The following WAPL variants were observed in gnomAD, a reference collection of about 807,000 sequenced individuals.
The protein encoded by WAPL is WAPL cohesin release factor.
WAPL carries 5 observed loss-of-function variants against 121.0 expected under a neutral mutation model. That is an observed-to-expected ratio of 0.04 (90% CI 0.02 to 0.09). The LOEUF (loss-of-function observed/expected upper bound fraction) is 0.09. Ranked by LOEUF, WAPL falls within the 10% of genes least tolerant of loss-of-function variation. WAPL has a pLI of 1.00. For missense variants in WAPL, 999 were observed against 1,410.8 expected (o/e 0.71, Z 4.68); for synonymous variants, 480 against 481.5 (o/e 1.00, Z 0.04).
At chr10:86,483,533 A>G (rs1841844795) in intron 4 of WAPL, among the ~76,000 whole-genome samples, 1 of 152,094 alleles carries the variant, frequency 6.6e-6, no homozygotes, top group Non-Finnish European at 1.5e-5. Context: ...TATTTTAACC[A>G]TTTTAGAATA....
intron 8 of WAPL, among the ~76,000 whole-genome samples, chr10:86,470,598 C>T (rs942026469): frequency 1.6e-4 from 24 of 152,110 alleles, no homozygotes; most frequent in Non-Finnish European, 1.0e-4. Flanking sequence ...TGGACAAAAA[C>T]GTTTCTAAAA....
chr10:86,451,080 TG>T (rs1343739187), intron 15 of WAPL, among the ~76,000 whole-genome samples: 2 of 151,398 alleles, frequency 1.3e-5, no homozygotes, highest in Non-Finnish European at 2.9e-5. Flanking sequence ...GGACACGAAG[TG>T]GATGTGATGG....
At chr10:86,488,078 A>G (rs1841965435) in intron 4 of WAPL, among the ~76,000 whole-genome samples, 2 of 152,172 alleles carry the variant, frequency 1.3e-5, no homozygotes. Context: ...CATGTGGAGG[A>G]TAATGGAAAC....
chr10:86,444,653 G>A (rs1849557499), intron 16 of WAPL, among the ~76,000 whole-genome samples: 1 of 152,094 alleles, frequency 6.6e-6, no homozygotes, highest in South Asian at 2.1e-4. Flanking sequence ...ATTAGTGGTT[G>A]CCAGTGCCCA....
chr10:86,494,045 T>C lies in WAPL; in HGVS notation c.1644+3156A>G, dbSNP rs116475075. ...GATGTTAACTGGCTTTTTTAATGCATTGACATTTGTATGGATGGTGCAAAA... is the reference window on the plus strand; with the variant it reads ...GATGTTAACTGGCTTTTTTAATGCACTGACATTTGTATGGATGGTGCAAAA... On this transcript the variant is annotated intron_variant, in intron 4 of 18. Transcript: ENST00000298767. 9.4e-3 allele frequency among the ~76,000 whole-genome samples: 1,429 copies of C among 152,290 alleles called. 29 individuals carry two copies. Among genetic ancestry groups the C allele is most frequent in the African/African-American group, 0.032 (1,326 of 41,548 alleles).
Position 86,505,300 on chromosome 10 carries a change from C to CTTTTTTTTTTTTTTTTTT in WAPL, c.500-4575_500-4558dup, listed in dbSNP as rs531404303. 3.0e-3 allele frequency among the ~76,000 whole-genome samples: 134 copies of CTTTTTTTTTTTTTTTTTT among 44,644 alleles called. 27 individuals are homozygous for CTTTTTTTTTTTTTTTTTT. The highest frequency in any genetic ancestry group is 4.3e-3 in the Non-Finnish European group (105 of 24,340). The allele number at this position is 44,644 out of a possible 152,430, so 29.3% of individuals were successfully genotyped here. On this transcript the variant is annotated intron_variant, in intron 2 of 18. Coordinates refer to ENST00000298767, the MANE Select transcript of WAPL (RefSeq NM_015045.5). ...CAAGCTTCAGCCACAGTGCCCAACT[C>CTTTTTTTTTTTTTTTTTT]TTTTTTTTTTTTTTTTTTTTTTTTT...
At chr10:86,521,015 G>C (rs866588749) in intron 1 of WAPL, among the ~76,000 whole-genome samples, 5 of 152,004 alleles carry the variant, frequency 3.3e-5, no homozygotes, top group African/African-American at 1.2e-4. Context: ...GCCCAGGAAA[G>C]GGAGGTCACT....
intron 15 of WAPL, among the ~76,000 whole-genome samples, chr10:86,448,427 G>A (rs939429214): frequency 1.3e-5 from 2 of 152,244 alleles, no homozygotes; most frequent in Admixed American, 6.5e-5. Flanking sequence ...CTTCAGCCTG[G>A]GTAAAAGAGT....
Position 86,500,158 on chromosome 10 carries a change from T to C in WAPL, c.1085A>G (p.His362Arg). The stretch of plus-strand genomic sequence containing the variant: ...ATTACAAACTGACAAGCAAGATGGA[T>C]GTAAAACAGTGTAATCTCTAGTCCG... ...VGRTRDYTVLHPSCLSVCNVT... is the reference protein window; with the variant it reads ...VGRTRDYTVLRPSCLSVCNVT... The change falls in exon 3 of 19, where the codon CAT becomes CGT. Residue 362 changes from histidine to arginine, a missense_variant. By Grantham distance (29) the His-to-Arg change is conservative (BLOSUM62 0). This residue lies in a region of WAPL where 531 missense variants were observed against 563.1 expected (regional missense o/e 0.94). Coordinates refer to ENST00000298767, the MANE Select transcript of WAPL (RefSeq NM_015045.5). The C allele has an allele frequency of 1.9e-6, 3 of 1,614,180 alleles. No homozygotes were observed. Among genetic ancestry groups the C allele is most frequent in the Non-Finnish European group, 2.5e-6 (3 of 1,180,032 alleles).
At chr10:86,483,728 C>T (rs1177742605) in intron 4 of WAPL, among the ~76,000 whole-genome samples, 9 of 144,972 alleles carry the variant, frequency 6.2e-5, no homozygotes, top group African/African-American at 2.3e-4. Flanking sequence ...TTATGATCTT[C>T]ACTCTGGATA....
chr10:86,514,557 T>C (rs991586144), intron 2 of WAPL, among the ~76,000 whole-genome samples: 1 of 152,158 alleles, frequency 6.6e-6, no homozygotes. Context: ...GTATGTATTT[T>C]CCCCTCACAG....
At chr10:86,471,319 G>A (rs546865281) in intron 7 of WAPL, among the ~76,000 whole-genome samples, 6 of 152,218 alleles carry the variant, frequency 3.9e-5, no homozygotes, top group Admixed American at 2.6e-4. Flanking sequence ...AAAAAATAAC[G>A]TAATTGTCTT....
At chr10:86,449,714 C>T (rs933322113) in intron 15 of WAPL, among the ~76,000 whole-genome samples, 2 of 151,982 alleles carry the variant, frequency 1.3e-5, no homozygotes, top group African/African-American at 2.4e-5. Context: ...AGGCGACTGA[C>T]GGTAAGTTTT....
intron 4 of WAPL, among the ~76,000 whole-genome samples, chr10:86,493,233 C>A (rs1041149404): frequency 1.1e-4 from 17 of 152,000 alleles, no homozygotes; most frequent in Non-Finnish European, 2.5e-4. Context: ...CAAAGAATTA[C>A]TAGGAATTGA....
chr10:86,460,522 T>G, intron 10 of WAPL, 26 bp from the exon 11 acceptor site: 1 of 1,583,488 alleles, frequency 6.3e-7, no homozygotes, highest in Non-Finnish European at 8.7e-7. Context: ...CAAACGTAAG[T>G]TAGTATTTAT....
chr10:86,509,099 T>C (rs1203289429), intron 2 of WAPL, among the ~76,000 whole-genome samples: 2 of 152,180 alleles, frequency 1.3e-5, no homozygotes, highest in East Asian at 3.8e-4. Context: ...ACACTCTCTT[T>C]AATGACTTCA....
In WAPL at chr10:86,438,288, C is replaced by G. The variant is rs985071804; in HGVS notation, c.3412-273G>C. On this transcript the variant is annotated intron_variant, in intron 17 of 18. Coordinates refer to ENST00000298767, the MANE Select transcript of WAPL (RefSeq NM_015045.5). ...TTTTTTTTTAAATGAAACAGTCACT[C>G]TGTTACCCAGGCTGGAGTGCAGTGG... is the stretch of plus-strand genomic sequence containing the variant. 2.7e-5 allele frequency among the ~76,000 whole-genome samples: 4 copies of G among 146,150 alleles called. No individual in the cohort carries two copies. The Admixed American group carries it at 2.8e-4, about 10-fold the overall frequency.
chr10:86,440,882 G>GGAAAAAAAAAAAAAAA (rs1554825372), intron 17 of WAPL, among the ~76,000 whole-genome samples: 1 of 130,530 alleles, frequency 7.7e-6, no homozygotes, highest in Non-Finnish European at 1.6e-5. Flanking sequence ...TACACAAAGT[G>GGAAAAAAAAAAAAAAA]AAAAAAAAAA....
chr10:86,447,664 G>A (rs1359091736), intron 15 of WAPL, among the ~76,000 whole-genome samples: 1 of 152,108 alleles, frequency 6.6e-6, no homozygotes, highest in African/African-American at 2.4e-5. Flanking sequence ...GATGAGGGTG[G>A]GAGGAGTTAG....
Sources: allele counts gnomAD v4.1 joint callset (sites outside exome capture counted in the v4.1 genomes callset), GRCh38; gene constraint gnomAD v4.1.1; regional missense constraint gnomAD v4.1.1; transcripts MANE v1.5; gene names NCBI Gene and HGNC (gene_info 2026-07-23, HGNC 2026-07-21).